Variants in CDK5RAP2 observed in about 807,000 individuals in gnomAD.
CDK5RAP2 encodes the protein CDK5 regulatory subunit associated protein 2.
Under a neutral mutation model 232.9 loss-of-function variants are expected in CDK5RAP2, and 147 were observed. The ratio of observed to expected loss-of-function variants is 0.63; its 90% CI spans 0.55 to 0.72. CDK5RAP2 has a LOEUF of 0.72. Ranked by LOEUF, CDK5RAP2 falls within the 30% of genes least tolerant of loss-of-function variation. The pLI is 0.00. For synonymous variants in CDK5RAP2, 833 were observed against 833.7 expected (o/e 1.00, Z 0.01); for missense variants, 2,195 against 2,231.5 (o/e 0.98, Z 0.33).
chr9:120,420,040 A>G, intron 26 of CDK5RAP2, 80 bp from the exon 27 acceptor site: 1 of 1,138,470 alleles, frequency 8.8e-7, no homozygotes, highest in Non-Finnish European at 1.3e-6. Flanking sequence ...AATACTTACG[A>G]TTACTTTACT....
At chr9:120,572,067 G>C (rs768555652) in intron 1 of CDK5RAP2, 26 bp from the exon 2 acceptor site, 2 of 1,544,686 alleles carry the variant, frequency 1.3e-6, no homozygotes, top group South Asian at 1.1e-5. Flanking sequence ...TGAGATAAGA[G>C]ATGAGCTAAT....
chr9:120,397,183 T>C (rs1588221682), intron 35 of CDK5RAP2, among the ~76,000 whole-genome samples: 2 of 152,340 alleles, frequency 1.3e-5, no homozygotes, highest in East Asian at 3.9e-4. Context: ...TTGCTTGTTT[T>C]CTTTTTATGG....
intron 1 of CDK5RAP2, 141 bp downstream of exon 1, chr9:120,579,779 G>A: frequency 3.0e-6 from 2 of 674,110 alleles, no homozygotes; most frequent in African/African-American, 1.8e-5. Flanking sequence ...GCCCCCCAGA[G>A]ACCCTCTCCG....
chr9:120,491,695 A>T (rs567100402), intron 12 of CDK5RAP2, among the ~76,000 whole-genome samples: 2 of 152,358 alleles, frequency 1.3e-5, no homozygotes, highest in South Asian at 4.1e-4. Flanking sequence ...GATATTTATC[A>T]CAACATTATT....
intron 12 of CDK5RAP2, among the ~76,000 whole-genome samples, chr9:120,509,868 G>C (rs1675823537): frequency 1.3e-5 from 2 of 152,082 alleles, no homozygotes; most frequent in South Asian, 4.1e-4. Flanking sequence ...CGTGTTTCTG[G>C]CTTCAGGCTT....
At chr9:120,471,147 A>G (rs1310344746) in intron 16 of CDK5RAP2, among the ~76,000 whole-genome samples, 2 of 152,210 alleles carry the variant, frequency 1.3e-5, no homozygotes. Flanking sequence ...AATTTTTACC[A>G]TATGTGTCAG....
At chr9:120,493,208 G>A (rs1304539184) in intron 12 of CDK5RAP2, among the ~76,000 whole-genome samples, 1 of 152,206 alleles carries the variant, frequency 6.6e-6, no homozygotes, top group Non-Finnish European at 1.5e-5. Flanking sequence ...ATGCAGCCCT[G>A]CCGACACCTT....
chr9:120,411,766 C>G (rs2033864033), intron 28 of CDK5RAP2, among the ~76,000 whole-genome samples: 1 of 152,132 alleles, frequency 6.6e-6, no homozygotes, highest in African/African-American at 2.4e-5. Context: ...TTCCCGAGGT[C>G]AAAATTCATA....
intron 10 of CDK5RAP2, among the ~76,000 whole-genome samples, chr9:120,527,130 T>C (rs1588572589): frequency 6.6e-6 from 1 of 152,170 alleles, no homozygotes; most frequent in South Asian, 2.1e-4. Context: ...GCATAGCTAC[T>C]AGGACACAAT....
chr9:120,427,752 A>C (rs2035007831), intron 25 of CDK5RAP2, among the ~76,000 whole-genome samples: 1 of 152,222 alleles, frequency 6.6e-6, no homozygotes, highest in Admixed American at 6.5e-5. Flanking sequence ...ATCATGGAAG[A>C]GGGGAAATGC....
At chr9:120,423,753 C>A (rs1021027516) in intron 25 of CDK5RAP2, among the ~76,000 whole-genome samples, 1 of 152,234 alleles carries the variant, frequency 6.6e-6, no homozygotes, top group African/African-American at 2.4e-5. Context: ...TATAATTAAA[C>A]TGCACCCACA....
chr9:120,408,287 C>A, intron 31 of CDK5RAP2, 60 bp downstream of exon 31: 1 of 1,607,280 alleles, frequency 6.2e-7, no homozygotes, highest in Non-Finnish European at 8.5e-7. Flanking sequence ...CTACAGCCAG[C>A]TGTCGGGTGG....
At chr9:120,529,899 G>T in intron 8 of CDK5RAP2, 79 bp downstream of exon 8, 1 of 1,350,730 alleles carries the variant, frequency 7.4e-7, no homozygotes, top group Non-Finnish European at 1.1e-6. Flanking sequence ...GAACCATGAG[G>T]ACCGAATGCG....
Position 120,470,890 on chromosome 9 carries a change from G to A in CDK5RAP2, c.1859-670C>T, listed in dbSNP as rs73660257. On this transcript the variant is annotated intron_variant, in intron 16 of 37. Coordinates refer to ENST00000349780, the MANE Select transcript of CDK5RAP2 (RefSeq NM_018249.6). Reference sequence around the variant, plus strand: ...TCTCATTTAACACACACGTGTAAGAGCTGATACATCTAAAATACAGTGCAG... The same window carrying A: ...TCTCATTTAACACACACGTGTAAGAACTGATACATCTAAAATACAGTGCAG... Among the ~76,000 whole-genome samples the A allele has an allele frequency of 5.1e-3, 769 of 152,250 alleles. 9 individuals carry two copies. The highest frequency in any genetic ancestry group is 0.018 in the African/African-American group (738 of 41,538).
chr9:120,492,791 A>AT (rs1296367290), intron 12 of CDK5RAP2, among the ~76,000 whole-genome samples: 1 of 152,186 alleles, frequency 6.6e-6, no homozygotes, highest in African/African-American at 2.4e-5. Flanking sequence ...TATAACATAT[A>AT]TATTTATTAA....
intron 22 of CDK5RAP2, 91 bp downstream of exon 22, chr9:120,447,804 T>C (rs1489968611): frequency 1.6e-5 from 15 of 940,640 alleles, no homozygotes; most frequent in South Asian, 1.0e-4. Context: ...CTCAAACTTA[T>C]TGCAATTCTA....
chr9:120,548,454 A>G (rs1564366222), intron 4 of CDK5RAP2, among the ~76,000 whole-genome samples: 2 of 152,232 alleles, frequency 1.3e-5, no homozygotes, highest in African/African-American at 4.8e-5. Flanking sequence ...ACATAATTGT[A>G]ATTTCCAAAC....
chr9:120,518,461 T>A lies in CDK5RAP2; in HGVS notation c.1277A>T (p.His426Leu). 1 of 1,613,938 alleles carries A rather than the reference T, an allele frequency of 6.2e-7. No homozygotes were observed. ...GCAGTCTCCTTTGCTCTTCTCTCGATGGGCTTCCTCCAGGTCCTTCTCCAG... is the reference window on the plus strand; with the variant it reads ...GCAGTCTCCTTTGCTCTTCTCTCGAAGGGCTTCCTCCAGGTCCTTCTCCAG... ...ERLEKDLEEAHREKSKGDCTI... is the reference protein window; with the variant it reads ...ERLEKDLEEALREKSKGDCTI... The change falls in exon 12 of 38, where the codon CAT (histidine) becomes CTT (leucine). Residue 426 changes from histidine (H) to leucine (L), a missense_variant. By Grantham distance (99) the His-to-Leu change is moderately conservative. Transcript: ENST00000349780.
intron 12 of CDK5RAP2, among the ~76,000 whole-genome samples, chr9:120,516,612 G>A (rs1007395811): frequency 6.6e-6 from 1 of 152,104 alleles, no homozygotes; most frequent in Admixed American, 6.5e-5. Flanking sequence ...GATCACTGGA[G>A]ACCAGGAATT....
Sources: allele counts gnomAD v4.1 joint callset (sites outside exome capture counted in the v4.1 genomes callset), GRCh38; gene constraint gnomAD v4.1.1; transcripts MANE v1.5; gene names NCBI Gene and HGNC (gene_info 2026-07-23, HGNC 2026-07-21).